CHSY3: variants seen among roughly 807,000 people sequenced by gnomAD.
The protein encoded by CHSY3 is N-acetylgalactosaminyl-proteoglycan 3-beta-glucuronosyltransferase 3.
Under a neutral mutation model 67.2 loss-of-function variants are expected in CHSY3, and 35 were observed. The observed-to-expected ratio is 0.52, with a 90% CI of 0.40 to 0.69. CHSY3 has a LOEUF of 0.69. Among genes scored for constraint, CHSY3 ranks in the 30% least tolerant of loss-of-function variants. The probability of loss-of-function intolerance (pLI) is 0.00; values close to 1 mark genes in which losing one functional copy is unlikely to be tolerated. For synonymous variants in CHSY3, 474 were observed against 434.7 expected, an observed-to-expected ratio of 1.09 and a Z score of -1.12; for missense variants, 1,069 against 1,138.5, an observed-to-expected ratio of 0.94 and a Z score of 0.88.
intron 2 of CHSY3, among the ~76,000 whole-genome samples, chr5:130,178,213 GTATATATTTATATTTATATATATATA>G (rs1770117617): frequency 1.3e-5 from 1 of 79,496 alleles, no homozygotes; most frequent in Non-Finnish European, 2.4e-5. Flanking sequence ...ATATATATAT[GTATATATTTATATTTATATATATATA>G]TATATATATA....
chr5:130,017,511 A>G (rs1329318823), intron 2 of CHSY3, among the ~76,000 whole-genome samples: 1 of 152,148 alleles, frequency 6.6e-6, no homozygotes, highest in Non-Finnish European at 1.5e-5. Context: ...ATGGAAGTGA[A>G]AGGTAATGAA....
intron 2 of CHSY3, among the ~76,000 whole-genome samples, chr5:130,052,454 A>G (rs986340344): frequency 6.6e-6 from 1 of 152,202 alleles, no homozygotes; most frequent in Non-Finnish European, 1.5e-5. Flanking sequence ...ATCCATAAAG[A>G]TATTGATAAA....
At chr5:130,134,973 A>C (rs1399753550) in intron 2 of CHSY3, among the ~76,000 whole-genome samples, 1 of 151,840 alleles carries the variant, frequency 6.6e-6, no homozygotes, top group African/African-American at 2.4e-5. Context: ...TGTGAATCTT[A>C]TCTTTCGAGA....
intron 2 of CHSY3, among the ~76,000 whole-genome samples, chr5:130,081,454 C>G (rs2149686793): frequency 6.6e-6 from 1 of 151,908 alleles, no homozygotes; most frequent in South Asian, 2.1e-4. Context: ...CCAACATACC[C>G]CATGAACATA....
intron 2 of CHSY3, among the ~76,000 whole-genome samples, chr5:130,039,604 A>G (rs1764954496): frequency 6.6e-6 from 1 of 152,144 alleles, no homozygotes; most frequent in African/African-American, 2.4e-5. Context: ...CAGTGGCACA[A>G]TAACGGCTCA....
At chr5:130,102,482 C>A in intron 2 of CHSY3, among the ~76,000 whole-genome samples, 1 of 151,392 alleles carries the variant, frequency 6.6e-6, no homozygotes, top group African/African-American at 2.4e-5. Flanking sequence ...AACTACTCTC[C>A]TTCTACAAAA....
At chr5:130,039,652 A>AT (rs769699374) in intron 2 of CHSY3, among the ~76,000 whole-genome samples, 6 of 152,024 alleles carry the variant, frequency 3.9e-5, no homozygotes, top group Non-Finnish European at 8.8e-5. Context: ...TGCCAGGCTA[A>AT]TTTTTTGTAG....
intron 2 of CHSY3, among the ~76,000 whole-genome samples, chr5:129,937,725 A>G (rs1230054343): frequency 2.0e-5 from 3 of 152,208 alleles, no homozygotes; most frequent in Non-Finnish European, 4.4e-5. Context: ...TAATTGGCCA[A>G]AACAAAGGGG....
At chr5:129,943,181 CA>C (rs1431233432) in intron 2 of CHSY3, among the ~76,000 whole-genome samples, 3 of 152,110 alleles carry the variant, frequency 2.0e-5, no homozygotes, top group Admixed American at 6.5e-5. Context: ...CTAAGGTTAA[CA>C]GAAGAGAGTC....
intron 2 of CHSY3, among the ~76,000 whole-genome samples, chr5:130,168,370 C>T (rs998919313): frequency 3.3e-5 from 5 of 152,068 alleles, no homozygotes; most frequent in Non-Finnish European, 7.4e-5. Context: ...TGGCAGTCTT[C>T]GCCCTTTCTC....
At chr5:130,020,050 T>A (rs1020067100) in intron 2 of CHSY3, among the ~76,000 whole-genome samples, 8 of 152,194 alleles carry the variant, frequency 5.3e-5, no homozygotes, top group African/African-American at 1.9e-4. Flanking sequence ...GTGAGACTCA[T>A]ATACTTTCTC....
chr5:130,180,259 A>G (rs1770205015), intron 2 of CHSY3, among the ~76,000 whole-genome samples: 1 of 152,140 alleles, frequency 6.6e-6, no homozygotes, highest in Non-Finnish European at 1.5e-5. Flanking sequence ...GACTAAAGGT[A>G]TTTTGGTGAC....
At chr5:130,001,361 A>T in intron 2 of CHSY3, 1 of 840,910 alleles carries the variant, frequency 1.2e-6, no homozygotes, top group Non-Finnish European at 1.4e-6. Flanking sequence ...TCATTTTAAA[A>T]TTCTTCTTCC....
intron 2 of CHSY3, among the ~76,000 whole-genome samples, chr5:130,094,955 A>T (rs1766997527): frequency 6.6e-6 from 1 of 152,200 alleles, no homozygotes; most frequent in African/African-American, 2.4e-5. Context: ...AATGGGAGCT[A>T]GGAGTCCCAC....
intron 2 of CHSY3, among the ~76,000 whole-genome samples, chr5:130,110,723 C>T (rs1767567588): frequency 6.6e-6 from 1 of 151,640 alleles, no homozygotes; most frequent in Non-Finnish European, 1.5e-5. Flanking sequence ...ACATATAATA[C>T]CTTTTTATAT....
At chr5:130,023,061 C>T (rs1025450384) in intron 2 of CHSY3, among the ~76,000 whole-genome samples, 3 of 151,912 alleles carry the variant, frequency 2.0e-5, no homozygotes, top group African/African-American at 7.2e-5. Flanking sequence ...TAGAGAAGAC[C>T]TCTCAAAATT....
At chr5:130,018,682 G>T (rs1442024082) in intron 2 of CHSY3, among the ~76,000 whole-genome samples, 5 of 152,162 alleles carry the variant, frequency 3.3e-5, no homozygotes, top group Non-Finnish European at 1.5e-5. Flanking sequence ...ATTCATCACT[G>T]CTATGGTTTA....
At chr5:129,908,779 A>G (rs1760423154) in intron 2 of CHSY3, among the ~76,000 whole-genome samples, 1 of 152,050 alleles carries the variant, frequency 6.6e-6, no homozygotes, top group East Asian at 1.9e-4. Context: ...GTGTAATGGC[A>G]TCTCTTTGTT....
chr5:130,063,198 T>TA (rs1429488456), intron 2 of CHSY3, among the ~76,000 whole-genome samples: 19 of 152,270 alleles, frequency 1.2e-4, no homozygotes, highest in African/African-American at 4.3e-4. Flanking sequence ...AATATATGTC[T>TA]ACTCGCCTGA....
Sources: gnomAD v4.1 joint callset for allele counts (sites outside exome capture counted in the v4.1 genomes callset) on GRCh38, gnomAD v4.1.1 for gene constraint, MANE v1.5 for transcripts, NCBI Gene and HGNC (gene_info 2026-07-23, HGNC 2026-07-21) for gene names.